TTC5: variants seen among roughly 807,000 people sequenced by gnomAD.
TTC5 encodes the protein tetratricopeptide repeat protein 5.
TTC5 carries 46 observed loss-of-function variants against 57.4 expected under a neutral mutation model. The observed-to-expected ratio is 0.80, with a 90% CI of 0.63 to 1.03. TTC5 has a LOEUF of 1.03. Among genes scored for constraint, TTC5 ranks in the 50% least tolerant of loss-of-function variants. The pLI, the probability that TTC5 is intolerant of heterozygous loss-of-function variation, is 0.00. For synonymous variants in TTC5, 190 were observed against 203.5 expected (o/e 0.93, Z 0.57); for missense variants, 504 against 528.1 (o/e 0.95, Z 0.45).
chr14:20,305,799 C>G, intron 1 of TTC5, 88 bp downstream of exon 1: 2 of 1,321,262 alleles, frequency 1.5e-6, no homozygotes, highest in South Asian at 2.3e-5. Context: ...GCGTGTGTGC[C>G]GAGGAATTCA....
intron 9 of TTC5, among the ~76,000 whole-genome samples, chr14:20,290,257 A>T (rs1218040638): frequency 6.6e-6 from 1 of 152,260 alleles, no homozygotes; most frequent in Non-Finnish European, 1.5e-5. Context: ...CGTTTTCCTA[A>T]TAACAAAAAA....
chr14:20,295,368 A>T lies in TTC5; in HGVS notation c.1002T>A (p.Gly334=). Residue 334 remains glycine, a synonymous_variant, in exon 8 of 10, where the codon GGT becomes GGA. Transcript: ENST00000258821. ...LSTLQPGVNS[G]AVILGKVVFS... is the part of the protein sequence containing the mutation. ...ATACCACCTTTCCCAGGATGACGGC[A>T]CCGCTGTTCACCCCAGGCTGAAGCG... 1.9e-6 allele frequency: 3 copies of T among 1,614,208 alleles called. No homozygotes were observed. Among genetic ancestry groups the T allele is most frequent in the Non-Finnish European group, 1.7e-6 (2 of 1,180,038 alleles).
At position 20,297,859 on chromosome 14, in the gene TTC5, G is replaced by A. The variant is rs181467056; in HGVS notation, c.639+938C>T. On this transcript the variant is annotated intron_variant, in intron 5 of 9. Coordinates refer to ENST00000258821, the MANE Select transcript of TTC5 (RefSeq NM_138376.3). ...AATATACCACACTATTCTTTAAAAT[G>A]TAAACATTCACCAAATTAAGAAATT... 1.9e-3 allele frequency among the ~76,000 whole-genome samples: 292 copies of A among 152,192 alleles called. 1 individual carries two copies. Among genetic ancestry groups the A allele is most frequent in the African/African-American group, 6.9e-3 (286 of 41,542 alleles).
intron 9 of TTC5, among the ~76,000 whole-genome samples, chr14:20,290,776 T>A (rs1881937365): frequency 6.6e-6 from 1 of 152,204 alleles, no homozygotes. Flanking sequence ...ATTATAAAAG[T>A]ACTAATTTAG....
intron 5 of TTC5, among the ~76,000 whole-genome samples, chr14:20,297,499 G>A (rs541138165): frequency 3.3e-4 from 51 of 152,262 alleles, no homozygotes; most frequent in Admixed American, 2.1e-3. Context: ...GACCAGGCAC[G>A]GTGGCTCACA....
chr14:20,301,135 C>A (rs8009806), intron 2 of TTC5, among the ~76,000 whole-genome samples: 10,649 of 152,164 alleles, frequency 0.07, 563 homozygotes, highest in East Asian at 0.14. Flanking sequence ...AAAATTAAAA[C>A]CATGAAAAAG....
intron 5 of TTC5, 67 bp from the exon 6 acceptor site, chr14:20,296,513 G>A: frequency 8.3e-7 from 1 of 1,207,374 alleles, no homozygotes. Flanking sequence ...TGCCCAACAT[G>A]TCCTACGCCT....
intron 5 of TTC5, among the ~76,000 whole-genome samples, chr14:20,297,740 T>C (rs1882095990): frequency 6.6e-6 from 1 of 151,338 alleles, no homozygotes; most frequent in South Asian, 2.1e-4. Flanking sequence ...GCCACTGCAC[T>C]CCAGCCTGGG....
At position 20,295,440 on chromosome 14, in the gene TTC5, C is replaced by T. The variant is rs750014838; in HGVS notation, c.930G>A (p.Gln310=). 1.4e-5 allele frequency: 23 copies of T among 1,614,188 alleles called. No individual in the cohort carries two copies. The Middle Eastern group carries it at 4.9e-4, about 35-fold the overall frequency. Residue 310 remains glutamine (Q), a synonymous_variant, in exon 8 of 10, where the codon CAG becomes CAA. Transcript: ENST00000258821. ...GGGTCACTTTCTGCCCAGAGGCTGA[C>T]TGATAGTGCCCATCACTGCAAGGGC... ...HLGPCSDGHY[Q]SASGQKVTLE...
At chr14:20,291,486 G>A (rs1881951708) in intron 9 of TTC5, among the ~76,000 whole-genome samples, 1 of 152,078 alleles carries the variant, frequency 6.6e-6, no homozygotes, top group Non-Finnish European at 1.5e-5. Context: ...GAATTGAATG[G>A]GGCAAGGCAG....
chr14:20,300,882 CAA>C, intron 2 of TTC5, 64 bp from the exon 3 acceptor site: 1 of 1,251,836 alleles, frequency 8.0e-7, no homozygotes, highest in Non-Finnish European at 1.1e-6. Context: ...CACTTTCTCT[CAA>C]AAAATAACTA....
Position 20,299,438 on chromosome 14 carries a change from T to C in TTC5, c.407A>G (p.Lys136Arg). The part of the protein sequence containing the change: ...FSGALTHCRN[K>R]VSLQNLSMVL... ...CATTGACAGGTTTTGCAAGGAGACT[T>C]TGTTCCTGCACTGCAAATAGGAAGG... Residue 136 changes from lysine to arginine, a missense_variant, in exon 4 of 10, where the codon AAA becomes AGA. By Grantham distance (26) the Lys-to-Arg change is conservative. Transcript: ENST00000258821. 1 of 1,613,850 alleles carries C rather than the reference T, an allele frequency of 6.2e-7. No individual in the cohort carries two copies. Among genetic ancestry groups the C allele is most frequent in the Non-Finnish European group, 8.5e-7 (1 of 1,180,012 alleles).
chr14:20,289,662 C>A lies in TTC5; in HGVS notation c.1288G>T (p.Val430Phe). The A allele has an allele frequency of 6.2e-7, 1 of 1,613,738 alleles. No homozygotes were observed. Among genetic ancestry groups the A allele is most frequent in the Non-Finnish European group, 8.5e-7 (1 of 1,179,726 alleles). The change falls in exon 10 of 10, where the codon GTT (valine) becomes TTT (phenylalanine). Residue 430 changes from valine (V) to phenylalanine (F), a missense_variant. Physicochemically the swap from Val to Phe is conservative, Grantham distance 50. Transcript: ENST00000258821. ...TGTGGTCGCGATGCCACTGTGGCAA[C>A]AGCCTGGCTGCTGGATCCCTGAGGC... is the stretch of plus-strand genomic sequence containing the variant. ...GKPQGSSSQAVATVASRPQCE is the reference protein window; with the variant it reads ...GKPQGSSSQAFATVASRPQCE
Position 20,300,870 on chromosome 14 carries a change from G to A in TTC5, c.185-52C>T, listed in dbSNP as rs764986963. 3 of 1,431,472 alleles carry A rather than the reference G, an allele frequency of 2.1e-6. No homozygotes were observed. The South Asian group carries it at 3.9e-5, about 19-fold the overall frequency. 88.7% of individuals were successfully genotyped at this position (1,431,472 alleles called of 1,614,324 possible). A position where few individuals can be genotyped will look rare whatever the true frequency, so the allele number is the denominator to read the frequency against. On this transcript the variant is annotated intron_variant, in intron 2 of 9. Transcript: ENST00000258821. ...GGGAAAAAAACAAGTTAAAGACCAG[G>A]GCACTTTCTCTCAAAAAATAACTAC...
intron 9 of TTC5, among the ~76,000 whole-genome samples, chr14:20,290,852 T>C (rs1881938918): frequency 6.6e-6 from 1 of 152,216 alleles, no homozygotes; most frequent in South Asian, 2.1e-4. Flanking sequence ...TTGTAGGTCA[T>C]ATGGTCTCTG....
At position 20,305,878 on chromosome 14, in the gene TTC5, C is replaced by T. The variant is rs1303186641; in HGVS notation, c.51+9G>A. Reference sequence around the variant, plus strand: ...AAAAACACATACAGAATTTAATCTACGGCCCCACCTGCAATTTCTGCAAGA... The same window carrying T: ...AAAAACACATACAGAATTTAATCTATGGCCCCACCTGCAATTTCTGCAAGA... On this transcript the variant is annotated intron_variant, in intron 1 of 9. Transcript: ENST00000258821. 1.2e-6 allele frequency: 2 copies of T among 1,613,758 alleles called. No individual in the cohort carries two copies. The highest frequency in any genetic ancestry group is 2.2e-5 in the South Asian group (2 of 91,066).
chr14:20,305,678 G>A (rs1282685040), intron 1 of TTC5: 2 of 606,254 alleles, frequency 3.3e-6, no homozygotes, highest in Non-Finnish European at 5.9e-6. Flanking sequence ...ATACAGGACT[G>A]AAATTAACCG....
rs1882232719 is a variant in TTC5, at chr14:20,303,489, C to T, written c.52-1524G>A. On this transcript the variant is annotated intron_variant, in intron 1 of 9. Coordinates refer to ENST00000258821, the MANE Select transcript of TTC5 (RefSeq NM_138376.3). Reference sequence around the variant, plus strand: ...GCAGAAAGATATAATCACTTCCCTTCGAGTGTAATCAACAATCTTCACAAC... The same window carrying T: ...GCAGAAAGATATAATCACTTCCCTTTGAGTGTAATCAACAATCTTCACAAC... Among the ~76,000 whole-genome samples the T allele has an allele frequency of 2.0e-5, 3 of 152,190 alleles. No homozygotes were observed. The South Asian group carries it at 6.2e-4, about 31-fold the overall frequency.
chr14:20,292,273 CTTAA>C (rs55971623), intron 8 of TTC5, 146 bp from the exon 9 acceptor site: 199,399 of 434,390 alleles, frequency 0.46, 47,143 homozygotes, highest in East Asian at 0.54. Flanking sequence ...TAAAATTTAA[CTTAA>C]TTAAACTTTA....
Sources: gnomAD v4.1 joint callset for allele counts (sites outside exome capture counted in the v4.1 genomes callset) on GRCh38, gnomAD v4.1.1 for gene constraint, MANE v1.5 for transcripts, NCBI Gene and HGNC (gene_info 2026-07-23, HGNC 2026-07-21) for gene names.